Variants in TVP23A observed in about 807,000 individuals in gnomAD.
TVP23A encodes the protein Golgi apparatus membrane protein TVP23 homolog A.
In TVP23A, 21 loss-of-function variants were observed where a neutral mutation model predicts 31.7. The ratio of observed to expected loss-of-function variants is 0.66; its 90% CI spans 0.47 to 0.95. The LOEUF is 0.95. Among genes scored for constraint, TVP23A ranks in the 40% least tolerant of loss-of-function variants. The pLI is 0.00. For synonymous variants in TVP23A, 104 were observed against 96.0 expected (o/e 1.08, Z -0.49); for missense variants, 279 against 255.6 (o/e 1.09, Z -0.62).
chr16:10,766,374 C>G (rs62027828), downstream of TVP23A, among the ~76,000 whole-genome samples: 2 of 152,262 alleles, frequency 1.3e-5, no homozygotes, highest in South Asian at 4.1e-4. This position sits in a 1 kb window ranked among gnomAD's most constrained non-coding sequence, Gnocchi z 4.8. Flanking sequence ...TAATGCTGCC[C>G]GTTCTTGGAG....
intron 2 of TVP23A, among the ~76,000 whole-genome samples, chr16:10,817,680 C>A (rs563776830): frequency 5.9e-5 from 9 of 152,292 alleles, no homozygotes; most frequent in African/African-American, 9.6e-5. Flanking sequence ...GCCCCAGGGC[C>A]TTTGCGCTTG....
At chr16:10,813,229 C>G (rs2034281677) in intron 2 of TVP23A, among the ~76,000 whole-genome samples, 1 of 152,188 alleles carries the variant, frequency 6.6e-6, no homozygotes, top group Admixed American at 6.5e-5. Flanking sequence ...CCCCATTTTA[C>G]CGACTGGCCA....
chr16:10,758,965 T>C (rs1445649033), downstream of TVP23A, among the ~76,000 whole-genome samples: 1 of 152,146 alleles, frequency 6.6e-6, no homozygotes, highest in Admixed American at 6.5e-5. Context: ...CATGGTGCTA[T>C]CCATCTCAGG....
downstream of TVP23A, among the ~76,000 whole-genome samples, chr16:10,764,532 AT>A (rs1203013892): frequency 7.2e-6 from 1 of 137,978 alleles, no homozygotes; most frequent in Non-Finnish European, 1.5e-5. Flanking sequence ...GGAGCATCTC[AT>A]TCTGCTGGAG....
chr16:10,809,717 G>C (rs1274417377), intron 2 of TVP23A, among the ~76,000 whole-genome samples: 3 of 152,144 alleles, frequency 2.0e-5, no homozygotes, highest in Non-Finnish European at 1.5e-5. Context: ...GCAGTCACTT[G>C]GCTAGGGAGT....
exon 9 of TVP23A, chr16:10,761,450 T>A: frequency 6.2e-7 from 1 of 1,613,930 alleles, no homozygotes; most frequent in African/African-American, 1.3e-5. Context: ...AGAACATGAG[T>A]GGCTTCATCT....
chr16:10,801,067 G>C (rs758600542), intron 2 of TVP23A, among the ~76,000 whole-genome samples: 2 of 152,146 alleles, frequency 1.3e-5, no homozygotes, highest in African/African-American at 2.4e-5. Context: ...AGTCTGACTG[G>C]TTTCTGCCTC....
At chr16:10,793,776 A>G (rs1402146759) in intron 2 of TVP23A, among the ~76,000 whole-genome samples, 1 of 151,294 alleles carries the variant, frequency 6.6e-6, no homozygotes, top group Non-Finnish European at 1.5e-5. Context: ...GCATACACCT[A>G]TGGTCCAACC....
downstream of TVP23A, among the ~76,000 whole-genome samples, chr16:10,760,011 G>A (rs2697655): frequency 0.017 from 2,531 of 152,292 alleles, 86 homozygotes; most frequent in African/African-American, 0.058. Flanking sequence ...AGGGATCTGT[G>A]ATAACATTAA....
rs1384420934 is a variant in TVP23A, at chr16:10,818,014, G to A, written c.89+89C>T. 32 of 1,143,056 alleles carry A rather than the reference G, an allele frequency of 2.8e-5. No individual in the cohort carries two copies. The highest frequency in any genetic ancestry group is 3.6e-5 in the Non-Finnish European group (28 of 776,708). 70.8% of individuals were successfully genotyped at this position (1,143,056 alleles called of 1,614,324 possible). A position where few individuals can be genotyped will look rare whatever the true frequency, so the allele number is the denominator to read the frequency against. On this transcript the variant is annotated intron_variant, in intron 2 of 7. Coordinates refer to ENST00000299866, the MANE Select transcript of TVP23A (RefSeq NM_001079512.4). This position sits in a 1 kb window ranked among gnomAD's most constrained non-coding sequence, Gnocchi z 4.7. ...CAGCCCCAGACCTGGCACACAGTAGGTGCTCAATATATTTTGAATGAATGA... is the reference window on the plus strand; with the variant it reads ...CAGCCCCAGACCTGGCACACAGTAGATGCTCAATATATTTTGAATGAATGA...
At chr16:10,762,040 C>A, downstream of TVP23A, 1 of 549,836 alleles carries the variant, frequency 1.8e-6, no homozygotes, top group Non-Finnish European at 3.2e-6. Flanking sequence ...AGGCCGAGAC[C>A]CCTGCGGGCA....
At chr16:10,766,401 G>C (rs991234985), downstream of TVP23A, among the ~76,000 whole-genome samples, 1 of 152,192 alleles carries the variant, frequency 6.6e-6, no homozygotes, top group Non-Finnish European at 1.5e-5. The surrounding 1 kb of genome is among the most constrained non-coding windows in gnomAD (Gnocchi z 4.8). Context: ...GAGCCCAGGG[G>C]GAAATGCAGT....
chr16:10,788,202 G>A (rs147792363), intron 2 of TVP23A, among the ~76,000 whole-genome samples: 111 of 152,228 alleles, frequency 7.3e-4, no homozygotes, highest in African/African-American at 2.6e-3. Context: ...GCAATTGGTT[G>A]AGTTATTATC....
chr16:10,799,854 G>C (rs2033605875), intron 2 of TVP23A, among the ~76,000 whole-genome samples: 1 of 152,064 alleles, frequency 6.6e-6, no homozygotes, highest in Non-Finnish European at 1.5e-5. Context: ...TTAACTGATG[G>C]ACAGAAAAGA....
Position 10,768,657 on chromosome 16 carries a change from C to G in TVP23A, c.*445G>C. 1 of 191,644 alleles carries G rather than the reference C, an allele frequency of 5.2e-6. No homozygotes were observed. The highest frequency in any genetic ancestry group is 1.1e-5 in the Non-Finnish European group (1 of 94,982). The allele number at this position is 191,644 out of a possible 1,614,324, so 11.9% of individuals were successfully genotyped here. ...ACTTTGTTGAGCCAGACCAAACCCA[C>G]GTGCAGGCCACATTCAGCCAGTGGC... On this transcript the variant is annotated 3_prime_UTR_variant, in exon 8 of 8. Transcript: ENST00000299866. The surrounding 1 kb of genome is among the most constrained non-coding windows in gnomAD (Gnocchi z 4.3).
At chr16:10,802,274 G>A (rs866824717) in intron 2 of TVP23A, among the ~76,000 whole-genome samples, 5 of 125,694 alleles carry the variant, frequency 4.0e-5, no homozygotes, top group Admixed American at 7.6e-5. Flanking sequence ...GTGTGTGTGT[G>A]TGTGTGTGTG....
chr16:10,792,227 T>C (rs2033145585), intron 2 of TVP23A, among the ~76,000 whole-genome samples: 2 of 152,344 alleles, frequency 1.3e-5, no homozygotes, highest in African/African-American at 2.4e-5. Flanking sequence ...TCATTCCTTA[T>C]GTGTGTCCAT....
In TVP23A at chr16:10,818,629, G is replaced by C. The variant is rs932552556; in HGVS notation, c.-136C>G. Reference sequence around the variant, plus strand: ...CTGAGGGTCGGGGCCTGCGCCCTGTGGGGCAGCCTCAGCGCAGCTTCTCGG... The same window carrying C: ...CTGAGGGTCGGGGCCTGCGCCCTGTCGGGCAGCCTCAGCGCAGCTTCTCGG... On this transcript the variant is annotated 5_prime_UTR_variant, in exon 1 of 8. Coordinates refer to ENST00000299866, the MANE Select transcript of TVP23A (RefSeq NM_001079512.4). This position sits in a 1 kb window ranked among gnomAD's most constrained non-coding sequence, Gnocchi z 4.7. 12 of 1,140,046 alleles carry C rather than the reference G, an allele frequency of 1.1e-5. No homozygotes were observed. The highest frequency in any genetic ancestry group is 1.2e-5 in the Non-Finnish European group (10 of 845,440). The allele number at this position is 1,140,046 out of a possible 1,614,324, so 70.6% of individuals were successfully genotyped here.
At position 10,767,638 on chromosome 16, in the gene TVP23A, A is replaced by G; in HGVS notation, c.*1464T>C. 1 of 430,418 alleles carries G rather than the reference A, an allele frequency of 2.3e-6. No homozygotes were observed. The highest frequency in any genetic ancestry group is 4.1e-6 in the Non-Finnish European group (1 of 244,038). 26.7% of individuals were successfully genotyped at this position (430,418 alleles called of 1,614,324 possible). On this transcript the variant is annotated 3_prime_UTR_variant, in exon 8 of 8. Coordinates refer to ENST00000299866, the MANE Select transcript of TVP23A (RefSeq NM_001079512.4). The surrounding 1 kb of genome is among the most constrained non-coding windows in gnomAD (Gnocchi z 4.6). The stretch of plus-strand genomic sequence containing the variant: ...ATGTGCATTCATGATCCTTTCACTC[A>G]AAAGCTAATCTCTTAAAATGCAGAC...
Sources: gnomAD v4.1 joint callset for allele counts (sites outside exome capture counted in the v4.1 genomes callset) on GRCh38, gnomAD v4.1.1 for gene constraint, Gnocchi (gnomAD v3.1) non-coding constraint, MANE v1.5 for transcripts, NCBI Gene and HGNC (gene_info 2026-07-23, HGNC 2026-07-21) for gene names.